The following TCF25 variants were observed in gnomAD, a reference collection of about 807,000 sequenced individuals.
TCF25 encodes TCF25 ribosome quality control complex subunit, also known as ribosome quality control complex subunit TCF25.
Under a neutral mutation model 83.1 loss-of-function variants are expected in TCF25, and 41 were observed. The ratio of observed to expected loss-of-function variants is 0.49; its 90% CI spans 0.38 to 0.64. TCF25 has a LOEUF of 0.64. Ranked by LOEUF, TCF25 falls within the 30% of genes least tolerant of loss-of-function variation. TCF25 has a pLI of 0.00. For synonymous variants in TCF25, 458 were observed against 365.0 expected, an observed-to-expected ratio of 1.25 and a Z score of -2.90; for missense variants, 979 against 914.5, an observed-to-expected ratio of 1.07 and a Z score of -0.91.
Position 89,875,080 on chromosome 16 carries a change from A to G in TCF25, c.192+1221A>G, listed in dbSNP as rs571920305. 2.6e-5 allele frequency among the ~76,000 whole-genome samples: 4 copies of G among 152,210 alleles called. No homozygotes were observed. The South Asian group carries it at 6.2e-4, about 24-fold the overall frequency. The stretch of plus-strand genomic sequence containing the variant: ...ATTGGCACAATCCTAGCTCACTGCA[A>G]CCTTGAACTCCTGGGCTCAAATAGT... On this transcript the variant is annotated intron_variant, in intron 1 of 17. Coordinates refer to ENST00000263346, the MANE Select transcript of TCF25 (RefSeq NM_014972.3).
At chr16:89,900,267 T>C (rs1366922955) in intron 11 of TCF25, among the ~76,000 whole-genome samples, 2 of 134,260 alleles carry the variant, frequency 1.5e-5, no homozygotes, top group Non-Finnish European at 3.5e-5. Flanking sequence ...GGCAGTGGGC[T>C]GCTCTCACAG....
rs1181682529 is a variant in TCF25 at position 89,905,074 on chromosome 16, G to T, written c.1606G>T (p.Ala536Ser). The T allele has an allele frequency of 6.3e-7, 1 of 1,599,922 alleles. No individual in the cohort carries two copies. The highest frequency in any genetic ancestry group is 8.5e-7 in the Non-Finnish European group (1 of 1,173,802). The change falls in exon 14 of 18, where the codon GCC becomes TCC. Residue 536 changes from alanine (A) to serine (S), a missense_variant. By Grantham distance (99) the Ala-to-Ser change is moderately conservative. Coordinates refer to ENST00000263346, the MANE Select transcript of TCF25 (RefSeq NM_014972.3). ...GCAAGCAGTGGACGCCGGGGACCCAGCCGTGGAAGCCTGTGAGAACCGGTG... is the reference window on the plus strand; with the variant it reads ...GCAAGCAGTGGACGCCGGGGACCCATCCGTGGAAGCCTGTGAGAACCGGTG... ...VLQAVDAGDP[A>S]VEACENRRKV...
chr16:89,884,510 C>T (rs2042836989), intron 2 of TCF25, 72 bp from the exon 3 acceptor site: 2 of 1,536,124 alleles, frequency 1.3e-6, no homozygotes, highest in Non-Finnish European at 1.8e-6. Context: ...TGGAGTCACG[C>T]TTGCTGCTTT....
At chr16:89,875,903 C>G (rs1465243065) in intron 1 of TCF25, among the ~76,000 whole-genome samples, 2 of 145,464 alleles carry the variant, frequency 1.4e-5, no homozygotes, top group Middle Eastern at 3.4e-3. Context: ...TCTTGAACTC[C>G]TGGGTTCAGG....
At chr16:89,875,781 C>T (rs2042142965) in intron 1 of TCF25, among the ~76,000 whole-genome samples, 1 of 146,184 alleles carries the variant, frequency 6.8e-6, no homozygotes, top group South Asian at 2.2e-4. Context: ...CTCGGCCTCC[C>T]AAAGTGCTGG....
At chr16:89,878,798 G>T (rs533163812) in intron 1 of TCF25, among the ~76,000 whole-genome samples, 1 of 152,066 alleles carries the variant, frequency 6.6e-6, no homozygotes, top group Non-Finnish European at 1.5e-5. Flanking sequence ...CCACCACCAC[G>T]CCCGGCAAGT....
rs748552916 is a variant in TCF25 at position 89,873,794 on chromosome 16, C to G, written c.127C>G (p.Leu43Val). 6.2e-7 allele frequency: 1 copy of G among 1,604,454 alleles called. No individual in the cohort carries two copies. The highest frequency in any genetic ancestry group is 1.3e-5 in the African/African-American group (1 of 74,246). ...GGAAGAAGAAGGGCCCAAGCGGGAG[C>G]TTGGTGTCCGGCGTCCCGGGGGCGC... is the stretch of plus-strand genomic sequence containing the variant. ...DAEEEGPKRELGVRRPGGAGK... is the reference protein window; with the variant it reads ...DAEEEGPKREVGVRRPGGAGK... Residue 43 changes from leucine to valine, a missense_variant, in exon 1 of 18, where the codon CTT (leucine) becomes GTT (valine). Physicochemically the swap from Leu to Val is conservative, Grantham distance 32. Transcript: ENST00000263346.
At chr16:89,909,599 AC>A (rs1238997437) in intron 16 of TCF25, 1 of 149,628 alleles carries the variant, frequency 6.7e-6, no homozygotes, top group Non-Finnish European at 1.5e-5. Context: ...AATCCCTTGA[AC>A]CCGGAAGGAG....
intron 15 of TCF25, 151 bp from the exon 16 acceptor site, chr16:89,907,092 C>G: frequency 1.2e-6 from 1 of 811,570 alleles, no homozygotes; most frequent in African/African-American, 1.7e-5. Flanking sequence ...CTCGTTGGTA[C>G]AAAAAGCACA....
chr16:89,904,520 C>T (rs924671145), intron 13 of TCF25: 14 of 499,196 alleles, frequency 2.8e-5, no homozygotes, highest in Non-Finnish European at 5.1e-5. Context: ...GTCAAAGGTA[C>T]AGTGAGCTGT....
chr16:89,904,172 G>A lies in TCF25; in HGVS notation c.1436G>A (p.Ser479Asn), dbSNP rs1475664134. ...GTGCGGCCCGACGCCAGCGTTTCCA[G>A]TCACCGCTTCTTTGGACCCAATGCT... ...CSVRPDASVS[S>N]HRFFGPNAEI... The change falls in exon 13 of 18, where the codon AGT (serine) becomes AAT (asparagine). Residue 479 changes from serine to asparagine, a missense_variant. Transcript: ENST00000263346. 1 of 1,599,668 alleles carries A rather than the reference G, an allele frequency of 6.3e-7. No homozygotes were observed. The highest frequency in any genetic ancestry group is 8.5e-7 in the Non-Finnish European group (1 of 1,173,100).
chr16:89,881,725 A>C (rs1012675148), intron 1 of TCF25, among the ~76,000 whole-genome samples: 1 of 150,834 alleles, frequency 6.6e-6, no homozygotes, highest in East Asian at 1.9e-4. Flanking sequence ...GATTATAGGC[A>C]TGAGCCACCA....
At chr16:89,898,676 G>A (rs537890847) in intron 10 of TCF25, 27 bp downstream of exon 10, 42 of 1,612,156 alleles carry the variant, frequency 2.6e-5, no homozygotes, top group East Asian at 1.3e-4. Context: ...GGCCAAGCCC[G>A]TCCACGCTCC....
At chr16:89,884,476 A>T in intron 2 of TCF25, 106 bp from the exon 3 acceptor site, 1 of 1,116,668 alleles carries the variant, frequency 9.0e-7, no homozygotes. Context: ...ACGGAGGGAG[A>T]GGTAGGGGCT....
rs750530577 is a variant in TCF25, at chr16:89,904,108, T to G, written c.1382-10T>G. On this transcript the variant is annotated splice_polypyrimidine_tract_variant and intron_variant, in intron 12 of 17. Coordinates refer to ENST00000263346, the MANE Select transcript of TCF25 (RefSeq NM_014972.3). Reference sequence around the variant, plus strand: ...TGAGGGCCCCCACAGAGCCTCCGCTTCCCCTGCAGTCCTCCTGCCCCTGCT... The same window carrying G: ...TGAGGGCCCCCACAGAGCCTCCGCTGCCCCTGCAGTCCTCCTGCCCCTGCT... 6.2e-7 allele frequency: 1 copy of G among 1,602,194 alleles called. No homozygotes were observed.
rs1441252926 is a variant in TCF25, at chr16:89,885,981, C to G, written c.548+15C>G. On this transcript the variant is annotated intron_variant, in intron 4 of 17. Coordinates refer to ENST00000263346, the MANE Select transcript of TCF25 (RefSeq NM_014972.3). Reference sequence around the variant, plus strand: ...GTGGAGCACAGGTGTGGCCCCCGCCCTTCTCTGCGGCTGCCCTTCTCTGCG... The same window carrying G: ...GTGGAGCACAGGTGTGGCCCCCGCCGTTCTCTGCGGCTGCCCTTCTCTGCG... The G allele has an allele frequency of 1.9e-6, 3 of 1,601,116 alleles. No homozygotes were observed. The East Asian group carries it at 6.9e-5, about 37-fold the overall frequency.
intron 1 of TCF25, among the ~76,000 whole-genome samples, chr16:89,874,099 TGGGCGGGGCTAAGGGATG>T (rs2041965827): frequency 7.9e-5 from 1 of 12,648 alleles, no homozygotes; most frequent in East Asian, 1.6e-3. Flanking sequence ...CCCGGTGAGG[TGGGCGGGGCTAAGGGATG>T]GGGCGGGGCC....
rs750393759 is a variant in TCF25 at position 89,898,629 on chromosome 16, G to T, written c.1095G>T (p.Glu365Asp). The change falls in exon 10 of 18, where the codon GAG becomes GAT. Residue 365 changes from glutamate to aspartate, a missense_variant. Physicochemically the swap from Glu to Asp is conservative, Grantham distance 45. Transcript: ENST00000263346. The part of the protein sequence containing the change: ...EKRGCPRTAL[E>D]YCKLILSLEP... ...GAGGCTGCCCGCGCACGGCGCTGGA[G>T]TACTGCAAGCTCATCCTGAGGTGAG... is the stretch of plus-strand genomic sequence containing the variant. 3 of 1,612,862 alleles carry T rather than the reference G, an allele frequency of 1.9e-6. No individual in the cohort carries two copies. In the Admixed American group the frequency reaches 5.0e-5, roughly 27 times the overall value.
intron 9 of TCF25, 94 bp from the exon 10 acceptor site, chr16:89,898,463 G>C (rs1202773198): frequency 1.6e-6 from 2 of 1,282,184 alleles, no homozygotes; most frequent in Admixed American, 3.4e-5. Context: ...ACGCTGAGCA[G>C]AGGGCGGGGT....
Sources: allele counts gnomAD v4.1 joint callset (sites outside exome capture counted in the v4.1 genomes callset), GRCh38; gene constraint gnomAD v4.1.1; transcripts MANE v1.5; gene names NCBI Gene and HGNC (gene_info 2026-07-23, HGNC 2026-07-21).